The following ARHGEF33 variants were observed in gnomAD, a reference collection of about 807,000 sequenced individuals.
The protein encoded by ARHGEF33 is Rho guanine nucleotide exchange factor 33.
A neutral mutation model predicts 101.9 loss-of-function variants in ARHGEF33; 72 were observed. That is an observed-to-expected ratio of 0.71 (90% CI 0.58 to 0.86). The LOEUF is 0.86. Among genes scored for constraint, ARHGEF33 ranks in the 40% least tolerant of loss-of-function variants. ARHGEF33 has a pLI of 0.00. For synonymous variants in ARHGEF33, 499 were observed against 442.5 expected, an observed-to-expected ratio of 1.13 and a Z score of -1.60; for missense variants, 1,169 against 1,111.3, an observed-to-expected ratio of 1.05 and a Z score of -0.74.
chr2:38,903,417 A>AT (rs11373078), intron 2 of ARHGEF33, among the ~76,000 whole-genome samples: 81,786 of 148,450 alleles, frequency 0.55, 23,893 homozygotes, highest in East Asian at 0.81. Context: ...AAAGGGATGG[A>AT]TTTTTTTTTT....
chr2:38,940,913 G>A (rs1241478468), intron 9 of ARHGEF33, among the ~76,000 whole-genome samples: 1 of 152,140 alleles, frequency 6.6e-6, no homozygotes, highest in East Asian at 1.9e-4. Context: ...TCAGCCTCTG[G>A]GTGAGGGCCA....
intron 7 of ARHGEF33, among the ~76,000 whole-genome samples, chr2:38,935,283 C>A (rs1382292468): frequency 6.6e-6 from 1 of 150,950 alleles, no homozygotes; most frequent in Admixed American, 6.6e-5. Flanking sequence ...TGGGTTCAAG[C>A]GATCCTCCTA....
chr2:38,963,315 C>G (rs1667987140), intron 16 of ARHGEF33, among the ~76,000 whole-genome samples: 1 of 152,138 alleles, frequency 6.6e-6, no homozygotes, highest in Non-Finnish European at 1.5e-5. Context: ...CTCTGTATAT[C>G]TTTCACCCAG....
chr2:38,931,208 C>A lies in ARHGEF33; in HGVS notation c.462C>A (p.Ser154Arg). The A allele has an allele frequency of 6.4e-7, 1 of 1,551,394 alleles. No homozygotes were observed. The highest frequency in any genetic ancestry group is 8.7e-7 in the Non-Finnish European group (1 of 1,146,818). Residue 154 changes from serine to arginine, a missense_variant, in exon 7 of 18, where the codon AGC becomes AGA. Ser to Arg is a moderately radical substitution (Grantham distance 110). Transcript: ENST00000409978. Reference protein sequence around the residue: ...SINIPEPVLPSEDFTNLLPSQ... With the variant: ...SINIPEPVLPREDFTNLLPSQ... ...ATATCCCTGAGCCTGTTCTTCCAAG[C>A]GAAGACTTTACCAACCTTTTGCCTT... is the stretch of plus-strand genomic sequence containing the variant.
Position 38,937,473 on chromosome 2 carries a change from CA to C in ARHGEF33, c.708del (p.Asp237ThrfsTer26). ...AAAGAATGGGGTGAAGAATACGTCA[CA>C]AAAGACCACCCAGATAAACTCAAGG... The part of the protein sequence containing the change: ...DGKEWGEEYV[T>X]KDHPDKLKEA... On this transcript the variant is annotated frameshift_variant, in exon 9 of 18. Coordinates refer to ENST00000409978, the MANE Select transcript of ARHGEF33 (RefSeq NM_001145451.5). LOFTEE classifies it high-confidence loss of function. 6.4e-7 allele frequency: 1 copy of C among 1,550,846 alleles called. No individual in the cohort carries two copies. The highest frequency in any genetic ancestry group is 8.7e-7 in the Non-Finnish European group (1 of 1,146,526).
Position 38,935,853 on chromosome 2 carries a change from A to C in ARHGEF33, c.565+19A>C. ...GGTCCTGGTAAGTGACTCTTCTCTT[A>C]GTTTTCTTTTCTTCCAGCAATTCCA... On this transcript the variant is annotated intron_variant, in intron 8 of 17. Transcript: ENST00000409978. 1 of 1,538,322 alleles carries C rather than the reference A, an allele frequency of 6.5e-7. No individual in the cohort carries two copies. Among genetic ancestry groups the C allele is most frequent in the Non-Finnish European group, 8.8e-7 (1 of 1,134,988 alleles).
At chr2:38,959,667 A>G in intron 15 of ARHGEF33, 174 bp from the exon 16 acceptor site, 1 of 676,020 alleles carries the variant, frequency 1.5e-6, no homozygotes. Context: ...TGCCTTGTCC[A>G]CTCTCCGCCT....
chr2:38,939,696 G>A (rs1667254486), intron 9 of ARHGEF33, among the ~76,000 whole-genome samples: 1 of 152,144 alleles, frequency 6.6e-6, no homozygotes, highest in South Asian at 2.1e-4. Flanking sequence ...TGTTGCCCAG[G>A]CTGGAGTGCA....
intron 17 of ARHGEF33, among the ~76,000 whole-genome samples, chr2:38,969,909 A>G (rs911060112): frequency 1.3e-5 from 2 of 152,218 alleles, no homozygotes; most frequent in Non-Finnish European, 1.5e-5. Context: ...ACTTAAACCT[A>G]GATTATTGTG....
chr2:38,940,026 C>A (rs1046042224), intron 9 of ARHGEF33, among the ~76,000 whole-genome samples: 8 of 152,138 alleles, frequency 5.3e-5, no homozygotes, highest in African/African-American at 1.9e-4. Flanking sequence ...AGATGGCTAT[C>A]CAGTTGTTTC....
Position 38,950,975 on chromosome 2 carries a change from T to C in ARHGEF33, c.921-14T>C. The stretch of plus-strand genomic sequence containing the variant: ...CACCTTGTTTGTGTGATTCCGTCTC[T>C]ATTCTGTTTCAAGCCTCTTCCCTGG... On this transcript the variant is annotated splice_polypyrimidine_tract_variant and intron_variant, in intron 10 of 17. Transcript: ENST00000409978. The C allele has an allele frequency of 6.4e-7, 1 of 1,551,166 alleles. No individual in the cohort carries two copies. Among genetic ancestry groups the C allele is most frequent in the Non-Finnish European group, 8.7e-7 (1 of 1,146,754 alleles).
Position 38,943,965 on chromosome 2 carries a change from T to A in ARHGEF33, c.855T>A (p.Ser285=). 1 of 1,551,718 alleles carries A rather than the reference T, an allele frequency of 6.4e-7. No homozygotes were observed. Among genetic ancestry groups the A allele is most frequent in the African/African-American group, 1.4e-5 (1 of 73,178 alleles). ...AAAGAAAATATGTCATTAACATCTCTCTGATCTTGAAGATAAAAGCCACAT... is the reference window on the plus strand; with the variant it reads ...AAAGAAAATATGTCATTAACATCTCACTGATCTTGAAGATAAAAGCCACAT... ...ESERKYVINI[S]LILKIKATFQ... The change falls in exon 10 of 18, where the codon TCT becomes TCA. Residue 285 remains serine, a synonymous_variant. Transcript: ENST00000409978.
rs565820027 is a variant in ARHGEF33 at position 38,975,073 on chromosome 2, A to G, written c.*1230A>G. The G allele has an allele frequency of 4.6e-5, 7 of 152,342 alleles. No individual in the cohort carries two copies. Among genetic ancestry groups the G allele is most frequent in the Admixed American group, 1.3e-4 (2 of 15,306 alleles). The allele number at this position is 152,342 out of a possible 1,614,324, so 9.4% of individuals were successfully genotyped here. A position where few individuals can be genotyped will look rare whatever the true frequency, so the allele number is the denominator to read the frequency against. ...GGGGTATTTGGTTTCTGTTCATTCAAAATCTTGGTACTCAAACTGGTGTCT... is the reference window on the plus strand; with the variant it reads ...GGGGTATTTGGTTTCTGTTCATTCAGAATCTTGGTACTCAAACTGGTGTCT... On this transcript the variant is annotated 3_prime_UTR_variant, in exon 18 of 18. Transcript: ENST00000409978.
intron 17 of ARHGEF33, 79 bp downstream of exon 17, chr2:38,966,224 A>G (rs1038794847): frequency 3.4e-6 from 5 of 1,488,862 alleles, no homozygotes; most frequent in Non-Finnish European, 3.6e-6. Flanking sequence ...AATAATAAGT[A>G]TCAAGTAGCC....
intron 17 of ARHGEF33, chr2:38,969,611 G>T (rs914819185): frequency 6.0e-6 from 1 of 166,554 alleles, no homozygotes; most frequent in African/African-American, 2.4e-5. Context: ...AAATATTTGG[G>T]GAAAAGAATG....
chr2:38,972,073 A>C (rs1668176872), intron 17 of ARHGEF33: 2 of 669,500 alleles, frequency 3.0e-6, no homozygotes, highest in Non-Finnish European at 5.6e-6. Flanking sequence ...CTTTCTGATG[A>C]GAAACTGTCC....
chr2:38,920,826 C>A (rs538437338), intron 3 of ARHGEF33, among the ~76,000 whole-genome samples: 1 of 152,266 alleles, frequency 6.6e-6, no homozygotes, highest in African/African-American at 2.4e-5. Flanking sequence ...TTTCCGTTGA[C>A]AATTCCTTTT....
chr2:38,962,849 CA>C (rs386389985), intron 16 of ARHGEF33, among the ~76,000 whole-genome samples: 14 of 56,124 alleles, frequency 2.5e-4, no homozygotes, highest in East Asian at 1.8e-3. Flanking sequence ...CCCGTCTCTA[CA>C]AAAAAAAAAA....
intron 10 of ARHGEF33, 40 bp from the exon 11 acceptor site, chr2:38,950,949 A>T (rs1446128219): frequency 6.5e-7 from 1 of 1,544,486 alleles, no homozygotes; most frequent in South Asian, 1.2e-5. Flanking sequence ...TTTCTTCTCT[A>T]CACCTTGTTT....
Sources: allele counts gnomAD v4.1 joint callset (sites outside exome capture counted in the v4.1 genomes callset), GRCh38; gene constraint gnomAD v4.1.1; transcripts MANE v1.5; gene names NCBI Gene and HGNC (gene_info 2026-07-23, HGNC 2026-07-21).